VCL: variants seen among roughly 807,000 people sequenced by gnomAD.
The protein encoded by VCL is epididymis luminal protein 114.
Under a neutral mutation model 125.7 loss-of-function variants are expected in VCL, and 47 were observed. The observed-to-expected ratio is 0.37, with a 90% CI of 0.30 to 0.48. VCL has a LOEUF of 0.48. Among genes scored for constraint, VCL ranks in the 20% least tolerant of loss-of-function variants. The pLI, the probability that VCL is intolerant of heterozygous loss-of-function variation, is 0.99. For synonymous variants in VCL, 458 were observed against 514.6 expected (o/e 0.89, Z 1.49); for missense variants, 1,069 against 1,455.5 (o/e 0.73, Z 4.32).
intron 2 of VCL, among the ~76,000 whole-genome samples, chr10:74,069,955 T>C (rs1040861565): frequency 2.0e-5 from 3 of 152,198 alleles, no homozygotes; most frequent in African/African-American, 7.2e-5. Flanking sequence ...TTACTAATAA[T>C]AGTGACCTTT....
At position 74,083,429 on chromosome 10, in the gene VCL, G is replaced by A. The variant is rs761311084; in HGVS notation, c.938G>A (p.Cys313Tyr). The A allele has an allele frequency of 6.2e-7, 1 of 1,614,162 alleles. No homozygotes were observed. Among genetic ancestry groups the A allele is most frequent in the Non-Finnish European group, 8.5e-7 (1 of 1,180,006 alleles). Residue 313 changes from cysteine to tyrosine, a missense_variant, in exon 8 of 22, where the codon TGT (cysteine) becomes TAT (tyrosine). By Grantham distance (194) the Cys-to-Tyr change is radical. Transcript: ENST00000211998. ...GAAGCTGGAAAAGTTGGTGAACTCT[G>A]TGCAGGCAAAGAACGCAGGGAGATT... ...LDEAGKVGEL[C>Y]AGKERREILG...
chr10:74,048,192 G>C (rs1217944733), intron 2 of VCL, among the ~76,000 whole-genome samples: 1 of 152,106 alleles, frequency 6.6e-6, no homozygotes. Flanking sequence ...TTCCTGGCTG[G>C]GTGCGCTAGC....
chr10:74,012,939 AT>A (rs1360731726), intron 1 of VCL, among the ~76,000 whole-genome samples: 1 of 151,648 alleles, frequency 6.6e-6, no homozygotes, highest in Non-Finnish European at 1.5e-5. Flanking sequence ...TACTTTCTAT[AT>A]TTTTTCCTTA....
chr10:74,087,318 T>A (rs1170203173), intron 8 of VCL, among the ~76,000 whole-genome samples: 3 of 148,964 alleles, frequency 2.0e-5, no homozygotes, highest in African/African-American at 7.3e-5. Context: ...TTTATTTATT[T>A]ATTTTTTTTT....
intron 1 of VCL, among the ~76,000 whole-genome samples, chr10:74,023,799 C>G (rs1223114691): frequency 6.6e-6 from 1 of 152,180 alleles, no homozygotes; most frequent in East Asian, 1.9e-4. Flanking sequence ...ATACAATCTG[C>G]AAAAGGCACA....
At chr10:74,056,892 T>C (rs932391303) in intron 2 of VCL, among the ~76,000 whole-genome samples, 1 of 152,162 alleles carries the variant, frequency 6.6e-6, no homozygotes, top group Non-Finnish European at 1.5e-5. Context: ...TCTTCACCTA[T>C]CTCCTGAGTC....
chr10:74,083,837 G>T (rs191518971), intron 8 of VCL, among the ~76,000 whole-genome samples: 1 of 151,706 alleles, frequency 6.6e-6, no homozygotes, highest in East Asian at 1.9e-4. Flanking sequence ...GATTATAGGC[G>T]CCCGCCATCA....
intron 1 of VCL, among the ~76,000 whole-genome samples, chr10:74,006,560 C>T (rs1840327128): frequency 6.6e-6 from 1 of 152,168 alleles, no homozygotes; most frequent in Non-Finnish European, 1.5e-5. Context: ...ATTTCATACA[C>T]AGGTTGAGTA....
At position 74,095,753 on chromosome 10, in the gene VCL, A is replaced by G. The variant is rs1246258740; in HGVS notation, c.1641A>G (p.Arg547=). The change falls in exon 12 of 22, where the codon CGA becomes CGG. Residue 547 remains arginine (R), a synonymous_variant. Transcript: ENST00000211998. Reference sequence around the variant, plus strand: ...AAGATCTTCTCGCCAAGTGTGACCGAGTGGACCAGCTGACAGCCCAGCTGG... The same window carrying G: ...AAGATCTTCTCGCCAAGTGTGACCGGGTGGACCAGCTGACAGCCCAGCTGG... ...YRQDLLAKCD[R]VDQLTAQLAD... The G allele has an allele frequency of 9.9e-6, 16 of 1,614,182 alleles. No homozygotes were observed. Among genetic ancestry groups the G allele is most frequent in the Non-Finnish European group, 1.4e-5 (16 of 1,180,024 alleles).
chr10:74,103,640 A>G (rs569952994), intron 14 of VCL, among the ~76,000 whole-genome samples, 180 bp from the exon 15 acceptor site: 14 of 152,212 alleles, frequency 9.2e-5, no homozygotes, highest in Non-Finnish European at 2.1e-4. Flanking sequence ...CTTCCTGTGA[A>G]GGGCCCATTC....
At chr10:74,074,929 G>A (rs1839558452) in intron 6 of VCL, 26 bp downstream of exon 6, 1 of 1,613,932 alleles carries the variant, frequency 6.2e-7, no homozygotes, top group African/African-American at 1.3e-5. Flanking sequence ...GGAGAAATAA[G>A]CAAAATCCCC....
At position 74,071,482 on chromosome 10, in the gene VCL, T is replaced by G. The variant is rs1841663264; in HGVS notation, c.499+399T>G. ...TTAGCTTGCTAATTAGCCTGCCTAC[T>G]ATTATGGATTCATGCCCTCACCCAA... On this transcript the variant is annotated intron_variant, in intron 4 of 21. Coordinates refer to ENST00000211998, the MANE Select transcript of VCL (RefSeq NM_014000.3). This position sits in a 1 kb window ranked among gnomAD's most constrained non-coding sequence, Gnocchi z 4.1. Among the ~76,000 whole-genome samples, 3 of 152,224 alleles carry G rather than the reference T, an allele frequency of 2.0e-5. No homozygotes were observed. The South Asian group carries it at 6.2e-4, about 32-fold the overall frequency.
At chr10:74,045,405 T>C (rs1446900797) in intron 2 of VCL, among the ~76,000 whole-genome samples, 1 of 151,906 alleles carries the variant, frequency 6.6e-6, no homozygotes, top group Non-Finnish European at 1.5e-5. Context: ...GGTGGATCAC[T>C]TGAGGTCAGG....
Position 74,094,448 on chromosome 10 carries a change from T to C in VCL, c.1530T>C (p.Asp510=). The part of the protein sequence containing the change: ...AQRWIDNPTV[D]DRGVGQAAIR... ...GGTGGATTGATAATCCCACAGTGGA[T>C]GACCGTGGAGTCGGTAAGGGCAGCA... is the stretch of plus-strand genomic sequence containing the variant. The change falls in exon 11 of 22, where the codon GAT becomes GAC. Residue 510 remains aspartate, a synonymous_variant. Coordinates refer to ENST00000211998, the MANE Select transcript of VCL (RefSeq NM_014000.3). 1 of 1,613,996 alleles carries C rather than the reference T, an allele frequency of 6.2e-7. No homozygotes were observed. Among genetic ancestry groups the C allele is most frequent in the Non-Finnish European group, 8.5e-7 (1 of 1,179,948 alleles).
At chr10:74,112,993 C>T (rs11815266) in intron 19 of VCL, among the ~76,000 whole-genome samples, 2,562 of 152,234 alleles carry the variant, frequency 0.017, 76 homozygotes, top group African/African-American at 0.058. Flanking sequence ...CCCATACCTG[C>T]GTTCTCTCCG....
rs200449287 is a variant in VCL at position 74,006,218 on chromosome 10, C to T, written c.168+7843C>T. On this transcript the variant is annotated intron_variant, in intron 1 of 21. Transcript: ENST00000211998. ...ATTTGTATTTGTATATTTTTGATCTCCAGTTGGTTGAATCCATAGATGTGG... is the reference window on the plus strand; with the variant it reads ...ATTTGTATTTGTATATTTTTGATCTTCAGTTGGTTGAATCCATAGATGTGG... Among the ~76,000 whole-genome samples, 10 of 152,202 alleles carry T rather than the reference C, an allele frequency of 6.6e-5. No individual in the cohort carries two copies. In the East Asian group the frequency reaches 1.9e-3, roughly 29 times the overall value.
chr10:74,105,126 A>G lies in VCL; in HGVS notation c.2207A>G (p.Lys736Arg). The change falls in exon 16 of 22, where the codon AAG becomes AGG. Residue 736 changes from lysine to arginine, a missense_variant. By Grantham distance (26) the Lys-to-Arg change is conservative. Around this residue, in one of 6 missense-constraint regions of VCL, gnomAD observed 760 missense variants for 928.9 expected, o/e 0.82. Transcript: ENST00000211998. ...SEEAIKKDLD[K>R]CKVAMANIQP... ...GAAGCAATTAAAAAAGACCTGGACA[A>G]GTGCAAGGTAGCTATGGCCAACATT... 1 of 1,614,206 alleles carries G rather than the reference A, an allele frequency of 6.2e-7. No homozygotes were observed. The highest frequency in any genetic ancestry group is 8.5e-7 in the Non-Finnish European group (1 of 1,180,030).
Position 74,104,930 on chromosome 10 carries a change from G to C in VCL, c.2132-121G>C, listed in dbSNP as rs1840108823. ...GCTTTTGATTATGTAGGAAGAGTTT[G>C]AGCTGAAGAAGAGAATTCTGGATGT... On this transcript the variant is annotated intron_variant, in intron 15 of 21. Coordinates refer to ENST00000211998, the MANE Select transcript of VCL (RefSeq NM_014000.3). 3.5e-6 allele frequency: 4 copies of C among 1,131,504 alleles called. No individual in the cohort carries two copies. In the East Asian group the frequency reaches 1.0e-4, roughly 29 times the overall value. 70.1% of individuals were successfully genotyped at this position (1,131,504 alleles called of 1,614,324 possible).
intron 10 of VCL, among the ~76,000 whole-genome samples, chr10:74,091,452 G>A (rs1211296648): frequency 1.3e-5 from 2 of 152,122 alleles, no homozygotes; most frequent in Non-Finnish European, 2.9e-5. Flanking sequence ...AAAGGAGAAT[G>A]TTATAAAAAT....
Sources: allele counts gnomAD v4.1 joint callset (sites outside exome capture counted in the v4.1 genomes callset), GRCh38; gene constraint gnomAD v4.1.1; regional missense constraint gnomAD v4.1.1; non-coding constraint Gnocchi (gnomAD v3.1); transcripts MANE v1.5; gene names NCBI Gene and HGNC (gene_info 2026-07-23, HGNC 2026-07-21).